The following SMARCA4 variants were observed in gnomAD, a reference collection of about 807,000 sequenced individuals.
The protein encoded by SMARCA4 is SWI/SNF related BAF chromatin remodeling complex subunit ATPase 4.
SMARCA4 carries 31 observed loss-of-function variants against 193.9 expected under a neutral mutation model. The observed-to-expected ratio is 0.16, with a 90% CI of 0.12 to 0.22. SMARCA4 has a LOEUF of 0.22. Among genes scored for constraint, SMARCA4 ranks in the 10% least tolerant of loss-of-function variants. The pLI is 1.00. For missense variants in SMARCA4, 1,148 were observed against 2,296.0 expected (o/e 0.50, Z 10.22); for synonymous variants, 942 against 933.1 (o/e 1.01, Z -0.17).
Position 11,003,385 on chromosome 19 carries a change from A to C in SMARCA4, c.1989A>C (p.Glu663Asp). 6.2e-7 allele frequency: 1 copy of C among 1,614,028 alleles called. No individual in the cohort carries two copies. Among genetic ancestry groups the C allele is most frequent in the African/African-American group, 1.3e-5 (1 of 75,044 alleles). Residue 663 changes from glutamate (E) to aspartate (D), a missense_variant, in exon 13 of 35, where the codon GAA (glutamate) becomes GAC (aspartate). By Grantham distance (45) the Glu-to-Asp change is conservative (BLOSUM62 2). Around this residue, in one of 17 missense-constraint regions of SMARCA4, gnomAD observed 115 missense variants for 175.1 expected, o/e 0.66. Transcript: ENST00000344626. ...CTGATAGTGAAGAAAGTGGCTCAGA[A>C]GAAGAGGAAGAGGTAAGAGTGCATT... ...PRSDSEESGSEEEEEEEEEEQ... is the reference protein window; with the variant it reads ...PRSDSEESGSDEEEEEEEEEQ...
At chr19:11,021,526 A>G (rs1422033749) in intron 18 of SMARCA4, 199 bp from the exon 19 acceptor site, 1 of 725,770 alleles carries the variant, frequency 1.4e-6, no homozygotes. Flanking sequence ...GTCTCTGCCC[A>G]AGGCTTGCAA....
At chr19:10,988,266 A>T (rs948204814) in intron 6 of SMARCA4, among the ~76,000 whole-genome samples, 1 of 152,038 alleles carries the variant, frequency 6.6e-6, no homozygotes, top group Non-Finnish European at 1.5e-5. Context: ...GATTATAGGC[A>T]TGCGCCACCA....
intron 1 of SMARCA4, chr19:10,983,450 T>C (rs1045124061): frequency 5.3e-5 from 8 of 151,780 alleles, no homozygotes; most frequent in East Asian, 1.9e-4. Flanking sequence ...TTTTTTTTTT[T>C]CTGAGACAGA....
intron 29 of SMARCA4, among the ~76,000 whole-genome samples, chr19:11,035,687 C>G (rs1431794203): frequency 6.6e-6 from 1 of 152,228 alleles, no homozygotes; most frequent in East Asian, 1.9e-4. Flanking sequence ...ACGTGAGGGC[C>G]CGTTCTCAGC....
chr19:11,058,409 G>C lies in SMARCA4; in HGVS notation c.4533+46G>C. 7.4e-7 allele frequency: 1 copy of C among 1,345,406 alleles called. No homozygotes were observed. Among genetic ancestry groups the C allele is most frequent in the Non-Finnish European group, 1.1e-6 (1 of 939,592 alleles). 83.3% of individuals were successfully genotyped at this position (1,345,406 alleles called of 1,614,324 possible). ...GCGCCCCGCATGTGCCCGGAGGGGA[G>C]TCTGACCCAGGGGCACCCCCATCTG... On this transcript the variant is annotated intron_variant, in intron 31 of 34. Coordinates refer to ENST00000344626, the MANE Select transcript of SMARCA4 (RefSeq NM_003072.5). This position sits in a 1 kb window ranked among gnomAD's most constrained non-coding sequence, Gnocchi z 5.8.
At position 11,019,136 on chromosome 19, in the gene SMARCA4, C is replaced by A; in HGVS notation, c.2505+113C>A. ...AACCTGAGAATGCTGGGTCTCCAGTCGCATGGAGTCTCCAGGACAGCCTGG... is the reference window on the plus strand; with the variant it reads ...AACCTGAGAATGCTGGGTCTCCAGTAGCATGGAGTCTCCAGGACAGCCTGG... On this transcript the variant is annotated intron_variant, in intron 17 of 34. Coordinates refer to ENST00000344626, the MANE Select transcript of SMARCA4 (RefSeq NM_003072.5). This position sits in a 1 kb window ranked among gnomAD's most constrained non-coding sequence, Gnocchi z 6.1. 2.4e-6 allele frequency: 2 copies of A among 836,214 alleles called. No individual in the cohort carries two copies. Among genetic ancestry groups the A allele is most frequent in the South Asian group, 1.4e-5 (1 of 73,384 alleles). 51.8% of individuals were successfully genotyped at this position (836,214 alleles called of 1,614,324 possible).
intron 1 of SMARCA4, among the ~76,000 whole-genome samples, chr19:10,964,711 G>C (rs1320714999): frequency 1.3e-5 from 2 of 151,752 alleles, no homozygotes; most frequent in Non-Finnish European, 2.9e-5. Context: ...TCCGCCTCCT[G>C]GTCTCAAGCG....
intron 13 of SMARCA4, among the ~76,000 whole-genome samples, chr19:11,007,379 G>T (rs897773670): frequency 6.8e-6 from 1 of 147,926 alleles, no homozygotes; most frequent in African/African-American, 2.5e-5. Context: ...GCACTGCGCC[G>T]AGATCACGCC....
rs2146595699 is a variant in SMARCA4, at chr19:11,030,694, C to T, written c.3383-36C>T. 6.3e-7 allele frequency: 1 copy of T among 1,596,652 alleles called. No individual in the cohort carries two copies. The highest frequency in any genetic ancestry group is 8.5e-7 in the Non-Finnish European group (1 of 1,171,556). ...GGTGTCCCCACTCTACCCCTGAGGT[C>T]ACCCCGCTGACCCTGTTCTCCTCTG... On this transcript the variant is annotated intron_variant, in intron 24 of 34. Transcript: ENST00000344626. The surrounding 1 kb of genome is among the most constrained non-coding windows in gnomAD (Gnocchi z 5.5).
intron 29 of SMARCA4, among the ~76,000 whole-genome samples, chr19:11,039,197 T>TA (rs1412206268): frequency 1.3e-5 from 2 of 152,042 alleles, no homozygotes; most frequent in Non-Finnish European, 2.9e-5. Context: ...CTACTAAAAA[T>TA]ACAAAAATTA....
At chr19:10,965,041 A>G (rs1005311970) in intron 1 of SMARCA4, among the ~76,000 whole-genome samples, 1 of 152,204 alleles carries the variant, frequency 6.6e-6, no homozygotes, top group African/African-American at 2.4e-5. Flanking sequence ...TCCCTCGGTC[A>G]TCAAGGCTGC....
At chr19:11,046,019 C>G (rs1016421122) in intron 30 of SMARCA4, among the ~76,000 whole-genome samples, 16 of 152,092 alleles carry the variant, frequency 1.1e-4, no homozygotes, top group Non-Finnish European at 2.1e-4. Flanking sequence ...GCCAGGAGAT[C>G]AAGACCATGC....
At chr19:11,003,734 C>T (rs1172062542) in intron 13 of SMARCA4, among the ~76,000 whole-genome samples, 8 of 134,512 alleles carry the variant, frequency 5.9e-5, no homozygotes, top group Middle Eastern at 4.2e-3. Flanking sequence ...TTTTTTGAAA[C>T]GGAGTCTCAC....
At position 11,052,582 on chromosome 19, in the gene SMARCA4, C is replaced by G. The variant is rs542968968; in HGVS notation, c.4425-5673C>G. ...AGAGGGCGCCCCTGCCTGCTCACTT[C>G]CCAATGTCGGGATCCTGTGATTTCT... is the stretch of plus-strand genomic sequence containing the variant. On this transcript the variant is annotated intron_variant, in intron 30 of 34. Coordinates refer to ENST00000344626, the MANE Select transcript of SMARCA4 (RefSeq NM_003072.5). Among the ~76,000 whole-genome samples the G allele has an allele frequency of 6.6e-5, 10 of 152,370 alleles. No individual in the cohort carries two copies. In the South Asian group the frequency reaches 1.7e-3, roughly 25 times the overall value.
rs371137806 is a variant in SMARCA4 at position 11,027,767 on chromosome 19, C to T, written c.3216-17C>T. ...TTAACATCCTGCGCCTTCTCTCCTGCCTCCTCCACACTCCAGGCTGGACCT... is the reference window on the plus strand; with the variant it reads ...TTAACATCCTGCGCCTTCTCTCCTGTCTCCTCCACACTCCAGGCTGGACCT... On this transcript the variant is annotated splice_polypyrimidine_tract_variant and intron_variant, in intron 23 of 34. Transcript: ENST00000344626. 1.7e-5 allele frequency: 28 copies of T among 1,613,738 alleles called. No homozygotes were observed. The African/African-American group carries it at 2.9e-4, about 17-fold the overall frequency.
Position 11,014,512 on chromosome 19 carries a change from G to A in SMARCA4, c.2438+1400G>A, listed in dbSNP as rs374078971. On this transcript the variant is annotated intron_variant, in intron 16 of 34. Transcript: ENST00000344626. The stretch of plus-strand genomic sequence containing the variant: ...GTGGTCAGACCCAGATTGCTACAGC[G>A]TTCCTGCTGCACCTGCCTGAGCTCT... Among the ~76,000 whole-genome samples, 9 of 152,192 alleles carry A rather than the reference G, an allele frequency of 5.9e-5. No individual in the cohort carries two copies. In the South Asian group the frequency reaches 6.2e-4, roughly 10 times the overall value.
chr19:11,055,315 G>T (rs1344099877), intron 30 of SMARCA4, among the ~76,000 whole-genome samples: 1 of 152,036 alleles, frequency 6.6e-6, no homozygotes, highest in Non-Finnish European at 1.5e-5. Context: ...TCAGCCTCCC[G>T]AGTAGCTGGG....
At position 10,987,901 on chromosome 19, in the gene SMARCA4, G is replaced by C. The variant is rs2145822205; in HGVS notation, c.1095G>C (p.Glu365Asp). ...IQKPRGLDPV[E>D]ILQEREYRLQ... ...AGCCGCGGGGCCTCGACCCTGTGGA[G>C]ATCCTGCAGGAGCGCGAGTACAGGT... The change falls in exon 6 of 35, where the codon GAG becomes GAC. Residue 365 changes from glutamate (E) to aspartate (D), a missense_variant. Coordinates refer to ENST00000344626, the MANE Select transcript of SMARCA4 (RefSeq NM_003072.5). This position sits in a 1 kb window ranked among gnomAD's most constrained non-coding sequence, Gnocchi z 5.3. 1 of 1,613,038 alleles carries C rather than the reference G, an allele frequency of 6.2e-7. No homozygotes were observed. Among genetic ancestry groups the C allele is most frequent in the Non-Finnish European group, 8.5e-7 (1 of 1,179,962 alleles).
intron 30 of SMARCA4, among the ~76,000 whole-genome samples, chr19:11,053,637 C>T (rs913901344): frequency 6.6e-6 from 1 of 152,126 alleles, no homozygotes; most frequent in Non-Finnish European, 1.5e-5. Context: ...GAGCTGAGCG[C>T]AGTGACTCAC....
Sources: allele counts gnomAD v4.1 joint callset (sites outside exome capture counted in the v4.1 genomes callset), GRCh38; gene constraint gnomAD v4.1.1; regional missense constraint gnomAD v4.1.1; non-coding constraint Gnocchi (gnomAD v3.1); transcripts MANE v1.5; gene names NCBI Gene and HGNC (gene_info 2026-07-23, HGNC 2026-07-21).